The following TANK variants were observed in gnomAD, a reference collection of about 807,000 sequenced individuals.
The protein encoded by TANK is TRAF family member associated NFKB activator.
TANK carries 15 observed loss-of-function variants against 43.6 expected under a neutral mutation model. The observed-to-expected ratio is 0.34, with a 90% CI of 0.23 to 0.53. The LOEUF is 0.53. Ranked by LOEUF, TANK falls within the 20% of genes least tolerant of loss-of-function variation. The pLI, the probability that TANK is intolerant of heterozygous loss-of-function variation, is 0.94. For synonymous variants in TANK, 162 were observed against 178.2 expected (o/e 0.91, Z 0.73); for missense variants, 417 against 498.6 (o/e 0.84, Z 1.56).
chr2:161,222,297 G>C (rs1302873093), intron 4 of TANK, among the ~76,000 whole-genome samples: 2 of 151,944 alleles, frequency 1.3e-5, no homozygotes, highest in African/African-American at 4.8e-5. Flanking sequence ...CTGTCGCCCA[G>C]GCTGGAGTGC....
At chr2:161,183,467 A>T (rs1276136251) in intron 2 of TANK, among the ~76,000 whole-genome samples, 1 of 152,120 alleles carries the variant, frequency 6.6e-6, no homozygotes, top group Non-Finnish European at 1.5e-5. Flanking sequence ...TATTTCTTCT[A>T]GAGGAGTATT....
intron 1 of TANK, 35 bp downstream of exon 1, chr2:161,160,521 A>T (rs1684367633): frequency 7.8e-7 from 1 of 1,287,432 alleles, no homozygotes; most frequent in Admixed American, 3.4e-5. Flanking sequence ...GTGTGTCCGA[A>T]TCCGTCAAGC....
rs562810877 is a variant in TANK at position 161,179,075 on chromosome 2, A to G, written c.-49-539A>G. On this transcript the variant is annotated intron_variant, in intron 1 of 7. Coordinates refer to ENST00000392749, the MANE Select transcript of TANK (RefSeq NM_001199135.3). ...TGTGATTTTTCTTTTTTAACGTACAATGCAACAGTGGCTCTCCCTAGATTT... is the reference window on the plus strand; with the variant it reads ...TGTGATTTTTCTTTTTTAACGTACAGTGCAACAGTGGCTCTCCCTAGATTT... Among the ~76,000 whole-genome samples, 6 of 152,282 alleles carry G rather than the reference A, an allele frequency of 3.9e-5. No homozygotes were observed. The South Asian group carries it at 8.3e-4, about 21-fold the overall frequency.
At chr2:161,169,632 A>G (rs1212593355) in intron 1 of TANK, among the ~76,000 whole-genome samples, 1 of 152,194 alleles carries the variant, frequency 6.6e-6, no homozygotes, top group Non-Finnish European at 1.5e-5. Flanking sequence ...TGAAGCAGGA[A>G]ATAGGAAGGG....
intron 6 of TANK, among the ~76,000 whole-genome samples, chr2:161,228,400 G>A (rs757810772): frequency 6.6e-6 from 1 of 152,134 alleles, no homozygotes; most frequent in Non-Finnish European, 1.5e-5. Context: ...GCGTGGTGAC[G>A]CATGCCCGTA....
intron 2 of TANK, among the ~76,000 whole-genome samples, chr2:161,194,672 A>C (rs566648481): frequency 4.9e-4 from 74 of 152,316 alleles, no homozygotes; most frequent in African/African-American, 1.7e-3. Context: ...GTCTTGACCC[A>C]TGTGAAATGT....
At chr2:161,195,047 T>A (rs970447155) in intron 2 of TANK, among the ~76,000 whole-genome samples, 5 of 152,196 alleles carry the variant, frequency 3.3e-5, no homozygotes, top group Admixed American at 2.0e-4. Flanking sequence ...GTTATCAGAA[T>A]GGAAGATATT....
chr2:161,171,222 T>C (rs2105274772), intron 1 of TANK, among the ~76,000 whole-genome samples: 1 of 152,274 alleles, frequency 6.6e-6, no homozygotes, highest in East Asian at 1.9e-4. Context: ...CCAGGGATTT[T>C]TGTAGCCTTC....
upstream of TANK, among the ~76,000 whole-genome samples, chr2:161,157,979 C>A (rs796288920): frequency 1.2e-4 from 18 of 152,268 alleles, no homozygotes; most frequent in African/African-American, 4.1e-4. Flanking sequence ...CCACTGCACC[C>A]GTCCAGGTTC....
intron 4 of TANK, chr2:161,205,094 GA>G: frequency 1.8e-6 from 1 of 558,962 alleles, no homozygotes; most frequent in Non-Finnish European, 2.5e-6. Context: ...GGAGGCCAAG[GA>G]GGGAGGATCA....
intron 1 of TANK, among the ~76,000 whole-genome samples, chr2:161,147,317 A>G (rs1163625369): frequency 6.6e-6 from 1 of 152,198 alleles, no homozygotes; most frequent in African/African-American, 2.4e-5. Flanking sequence ...AACAGCTTGG[A>G]CAGCAGAGAG....
At chr2:161,202,013 A>G (rs531543436) in intron 2 of TANK, among the ~76,000 whole-genome samples, 44 of 152,310 alleles carry the variant, frequency 2.9e-4, no homozygotes, top group African/African-American at 1.0e-3. Context: ...CTTAATCCAT[A>G]TGAATTCTGT....
intron 1 of TANK, among the ~76,000 whole-genome samples, chr2:161,140,615 A>G (rs944374597): frequency 5.9e-5 from 9 of 151,900 alleles, no homozygotes; most frequent in Non-Finnish European, 1.3e-4. Flanking sequence ...TTAGTTTTCT[A>G]AGTTTGTGAG....
At chr2:161,202,190 T>C (rs1686446429) in intron 2 of TANK, among the ~76,000 whole-genome samples, 2 of 140,900 alleles carry the variant, frequency 1.4e-5, no homozygotes, top group Non-Finnish European at 3.1e-5. Flanking sequence ...TTCTTTTTTT[T>C]TTTTTTTTTT....
chr2:161,163,911 C>G (rs1266755777), intron 1 of TANK, among the ~76,000 whole-genome samples: 2 of 152,134 alleles, frequency 1.3e-5, no homozygotes, highest in African/African-American at 4.8e-5. Context: ...CTTTGATAGA[C>G]TTTTATAAAT....
intron 2 of TANK, among the ~76,000 whole-genome samples, chr2:161,181,635 A>C (rs1041734046): frequency 2.0e-5 from 3 of 152,134 alleles, no homozygotes; most frequent in Non-Finnish European, 4.4e-5. Flanking sequence ...GATGTGCCAC[A>C]CACTTTTAGC....
At chr2:161,188,806 A>T (rs1232278118) in intron 2 of TANK, among the ~76,000 whole-genome samples, 2 of 152,212 alleles carry the variant, frequency 1.3e-5, no homozygotes, top group Non-Finnish European at 2.9e-5. Context: ...AATTGCCAGT[A>T]TAACAATATT....
chr2:161,207,877 GATGGT>G, intron 4 of TANK: 1 of 985,094 alleles, frequency 1.0e-6, no homozygotes, highest in Non-Finnish European at 1.2e-6. Flanking sequence ...TGGTTAAGGT[GATGGT>G]ATGATTCTTT....
At chr2:161,214,547 G>A (rs1156300066) in intron 4 of TANK, among the ~76,000 whole-genome samples, 3 of 149,640 alleles carry the variant, frequency 2.0e-5, no homozygotes, top group Non-Finnish European at 4.4e-5. Flanking sequence ...TGACATTAAA[G>A]AATACAGTGA....
Sources: gnomAD v4.1 joint callset for allele counts (sites outside exome capture counted in the v4.1 genomes callset) on GRCh38, gnomAD v4.1.1 for gene constraint, MANE v1.5 for transcripts, NCBI Gene and HGNC (gene_info 2026-07-23, HGNC 2026-07-21) for gene names.